The following GALNT13 variants were observed in gnomAD, a reference collection of about 807,000 sequenced individuals.
GALNT13 encodes UDP-GalNAc:polypeptide N-acetylgalactosaminyltransferase 13.
In GALNT13, 28 loss-of-function variants were observed where a neutral mutation model predicts 64.2. That is an observed-to-expected ratio of 0.44 (90% CI 0.32 to 0.60). The LOEUF (loss-of-function observed/expected upper bound fraction) is 0.60. GALNT13 is among the 20% of genes least tolerant of loss of function. The pLI, the probability that GALNT13 is intolerant of heterozygous loss-of-function variation, is 0.05. For missense variants in GALNT13, 577 were observed against 669.8 expected, an observed-to-expected ratio of 0.86 and a Z score of 1.53; for synonymous variants, 214 against 224.6, an observed-to-expected ratio of 0.95 and a Z score of 0.42.
At chr2:153,300,946 G>A in the GALNT13 span, among the ~76,000 whole-genome samples, 8 of 152,160 alleles carry the variant, frequency 5.3e-5, no homozygotes, top group African/African-American at 1.9e-4. Flanking sequence ...GCTCATGCCT[G>A]TAATCCCAGC....
chr2:154,265,997 A>C (rs2105913119), intron 8 of GALNT13, among the ~76,000 whole-genome samples: 1 of 152,312 alleles, frequency 6.6e-6, no homozygotes, highest in South Asian at 2.1e-4. Context: ...GTATCAAGAA[A>C]CTAAAAAAAA....
chr2:153,973,599 C>CT (rs530914332), intron 3 of GALNT13, among the ~76,000 whole-genome samples: 143 of 150,966 alleles, frequency 9.5e-4, no homozygotes, highest in South Asian at 2.9e-3. Context: ...TTCTTTTTTT[C>CT]TTTTTTTTGT....
intron 4 of GALNT13, among the ~76,000 whole-genome samples, chr2:154,149,169 A>G (rs887279406): frequency 5.3e-5 from 8 of 152,156 alleles, no homozygotes; most frequent in Non-Finnish European, 1.2e-4. Flanking sequence ...TCCCAGCACC[A>G]TTTATTAAAT....
chr2:154,423,894 A>G (rs1468737381), intron 11 of GALNT13, among the ~76,000 whole-genome samples: 1 of 152,184 alleles, frequency 6.6e-6, no homozygotes, highest in South Asian at 2.1e-4. Flanking sequence ...TGTGAGTCAT[A>G]GTGATACCGT....
chr2:153,973,925 C>T (rs1200999726), intron 3 of GALNT13, among the ~76,000 whole-genome samples: 2 of 151,964 alleles, frequency 1.3e-5, no homozygotes, highest in African/African-American at 4.8e-5. Flanking sequence ...TGCATGCCCT[C>T]AATAAATATT....
At chr2:153,641,552 T>C in the GALNT13 span, among the ~76,000 whole-genome samples, 3 of 152,146 alleles carry the variant, frequency 2.0e-5, no homozygotes, top group South Asian at 2.1e-4. Flanking sequence ...AAATTTTGAC[T>C]AGTTGAATTC....
At chr2:154,332,548 T>C (rs1695224287) in intron 9 of GALNT13, among the ~76,000 whole-genome samples, 1 of 152,086 alleles carries the variant, frequency 6.6e-6, no homozygotes, top group African/African-American at 2.4e-5. Context: ...GACCCATTTG[T>C]CTACACACTG....
the GALNT13 span, among the ~76,000 whole-genome samples, chr2:153,852,129 A>T: frequency 9.0e-4 from 137 of 152,326 alleles, 1 homozygote; most frequent in Non-Finnish European, 1.5e-3. Flanking sequence ...AAGTAAAAAA[A>T]AATAATATAT....
chr2:153,139,942 G>A, the GALNT13 span, among the ~76,000 whole-genome samples: 1 of 151,994 alleles, frequency 6.6e-6, no homozygotes, highest in Non-Finnish European at 1.5e-5. Flanking sequence ...AAATAGGAGT[G>A]ACCAGATCAT....
intron 1 of GALNT13, among the ~76,000 whole-genome samples, chr2:153,873,520 A>C (rs996656031): frequency 2.2e-4 from 34 of 152,324 alleles, no homozygotes; most frequent in Middle Eastern, 3.4e-3. Context: ...TTTGGGGTTC[A>C]GGGAAACTAA....
the GALNT13 span, among the ~76,000 whole-genome samples, chr2:153,651,639 C>T: frequency 3.3e-5 from 5 of 152,118 alleles, no homozygotes; most frequent in Non-Finnish European, 7.4e-5. Flanking sequence ...AGTTGGTTGG[C>T]ATTGAAGCTG....
chr2:153,992,768 G>A (rs1204550495), intron 3 of GALNT13, among the ~76,000 whole-genome samples: 2 of 152,154 alleles, frequency 1.3e-5, no homozygotes, highest in Non-Finnish European at 2.9e-5. Context: ...AGAAAATAAA[G>A]TGGAACAAAA....
chr2:153,256,197 C>T, the GALNT13 span, among the ~76,000 whole-genome samples: 3 of 151,600 alleles, frequency 2.0e-5, no homozygotes, highest in Non-Finnish European at 4.4e-5. Context: ...AACTTCCCTT[C>T]TCGCTTCATT....
chr2:154,174,515 G>A (rs149395065), intron 4 of GALNT13, among the ~76,000 whole-genome samples: 213 of 152,240 alleles, frequency 1.4e-3, no homozygotes, highest in African/African-American at 4.9e-3. Context: ...AGCATTTAAT[G>A]AAATAGATAC....
At chr2:154,405,409 A>G (rs1202304988) in intron 10 of GALNT13, among the ~76,000 whole-genome samples, 2 of 152,048 alleles carry the variant, frequency 1.3e-5, no homozygotes, top group African/African-American at 4.8e-5. Flanking sequence ...GACCAAAAAT[A>G]TTAGGATTTC....
At chr2:154,361,773 C>T (rs1192018510) in intron 9 of GALNT13, among the ~76,000 whole-genome samples, 2 of 152,080 alleles carry the variant, frequency 1.3e-5, no homozygotes, top group Non-Finnish European at 2.9e-5. Context: ...CTGTGTCATT[C>T]TAATAAGCAT....
At chr2:153,141,356 C>T in the GALNT13 span, among the ~76,000 whole-genome samples, 9 of 151,968 alleles carry the variant, frequency 5.9e-5, no homozygotes, top group East Asian at 1.8e-3. Context: ...GAACCTCTGC[C>T]CTATGAATGA....
the GALNT13 span, among the ~76,000 whole-genome samples, chr2:153,128,054 TA>T: frequency 6.6e-6 from 1 of 152,170 alleles, no homozygotes; most frequent in Non-Finnish European, 1.5e-5. Context: ...AACAGAAAGG[TA>T]CAAGGTAGAG....
chr2:153,595,252 T>C, the GALNT13 span, among the ~76,000 whole-genome samples: 1 of 151,778 alleles, frequency 6.6e-6, no homozygotes, highest in South Asian at 2.1e-4. Flanking sequence ...CAATGTAATT[T>C]GATGGGGAAA....
Sources: gnomAD v4.1 joint callset for allele counts (sites outside exome capture counted in the v4.1 genomes callset) on GRCh38, gnomAD v4.1.1 for gene constraint, MANE v1.5 for transcripts, NCBI Gene and HGNC (gene_info 2026-07-23, HGNC 2026-07-21) for gene names.